Variants in CNTNAP2 observed in about 807,000 individuals in gnomAD.
CNTNAP2 encodes contactin-associated protein-like 2.
A neutral mutation model predicts 155.2 loss-of-function variants in CNTNAP2; 98 were observed. The observed-to-expected ratio is 0.63, with a 90% CI of 0.54 to 0.75. The LOEUF is 0.75. CNTNAP2 is among the 30% of genes least tolerant of loss of function. The pLI, the probability that CNTNAP2 is intolerant of heterozygous loss-of-function variation, is 0.00. For synonymous variants in CNTNAP2, 651 were observed against 631.2 expected (o/e 1.03, Z -0.47); for missense variants, 1,727 against 1,688.1 (o/e 1.02, Z -0.40).
intron 1 of CNTNAP2, among the ~76,000 whole-genome samples, chr7:146,194,084 G>A (rs1798744202): frequency 1.3e-5 from 2 of 152,130 alleles, no homozygotes; most frequent in African/African-American, 2.4e-5. Context: ...GCCATTCAAC[G>A]AGTCTCTAGG....
chr7:148,283,354 C>G (rs1376479948), intron 21 of CNTNAP2, among the ~76,000 whole-genome samples: 1 of 149,416 alleles, frequency 6.7e-6, no homozygotes, highest in African/African-American at 2.5e-5. Context: ...TTATAACATT[C>G]CAAAGTATTC....
chr7:146,941,297 CA>C (rs1797050971), intron 3 of CNTNAP2, among the ~76,000 whole-genome samples: 1 of 151,380 alleles, frequency 6.6e-6, no homozygotes, highest in Non-Finnish European at 1.5e-5. Flanking sequence ...ATGAAGCTTG[CA>C]AAAGTCATCT....
chr7:148,307,402 A>G (rs1477983444), intron 21 of CNTNAP2, among the ~76,000 whole-genome samples: 1 of 152,218 alleles, frequency 6.6e-6, no homozygotes, highest in Admixed American at 6.5e-5. Flanking sequence ...GCGGCTTTGC[A>G]GTGCCAACCG....
Position 147,043,993 on chromosome 7 carries a change from T to C in CNTNAP2, c.489T>C (p.Pro163=), listed in dbSNP as rs761820697. Residue 163 remains proline, a synonymous_variant, in exon 4 of 24, where the codon CCT becomes CCC. Coordinates refer to ENST00000361727, the MANE Select transcript of CNTNAP2 (RefSeq NM_014141.6). The part of the protein sequence containing the change: ...PIIARYVRIV[P]LDWNGEGRIG... ...TTGCCCGCTATGTGCGCATAGTGCC[T>C]CTGGATTGGAATGGAGAAGGTCGCA... is the stretch of plus-strand genomic sequence containing the variant. The C allele has an allele frequency of 2.5e-6, 4 of 1,614,076 alleles. No individual in the cohort carries two copies. The highest frequency in any genetic ancestry group is 3.3e-5 in the Admixed American group (2 of 60,010).
At chr7:147,859,644 A>G (rs767396638) in intron 13 of CNTNAP2, among the ~76,000 whole-genome samples, 33 of 152,194 alleles carry the variant, frequency 2.2e-4, no homozygotes, top group Non-Finnish European at 4.4e-4. Context: ...CATCTTAATT[A>G]TGGGAGTCCC....
chr7:147,031,583 G>T (rs764435725), intron 3 of CNTNAP2, among the ~76,000 whole-genome samples: 1 of 152,204 alleles, frequency 6.6e-6, no homozygotes. Flanking sequence ...CTGAGTGAAA[G>T]AAGCCAGTGA....
intron 1 of CNTNAP2, among the ~76,000 whole-genome samples, chr7:146,676,923 C>T (rs1800408061): frequency 6.6e-6 from 1 of 152,144 alleles, no homozygotes; most frequent in Non-Finnish European, 1.5e-5. Flanking sequence ...GGGTGGGTCA[C>T]AGCCAAACCA....
chr7:146,343,154 A>T lies in CNTNAP2; in HGVS notation c.97+226181A>T, dbSNP rs567829074. The stretch of plus-strand genomic sequence containing the variant: ...CAATGTTAACTTTATTCTCTAATAG[A>T]TTATTTCTTCTGCTTATTGCTGAAA... On this transcript the variant is annotated intron_variant, in intron 1 of 23. Coordinates refer to ENST00000361727, the MANE Select transcript of CNTNAP2 (RefSeq NM_014141.6). 3.4e-4 allele frequency among the ~76,000 whole-genome samples: 52 copies of T among 151,948 alleles called. No homozygotes were observed. In the South Asian group the frequency reaches 0.011, roughly 31 times the overall value.
intron 5 of CNTNAP2, among the ~76,000 whole-genome samples, chr7:147,109,901 ATTTATT>A (rs1800841202): frequency 2.1e-5 from 1 of 46,536 alleles, no homozygotes; most frequent in Admixed American, 2.2e-4. Context: ...ATTTGTATTT[ATTTATT>A]TATTTATTTA....
At position 146,291,972 on chromosome 7, in the gene CNTNAP2, G is replaced by A. The variant is rs145585776; in HGVS notation, c.97+174999G>A. 2.5e-3 allele frequency among the ~76,000 whole-genome samples: 387 copies of A among 152,286 alleles called. 2 individuals carry two copies. The highest frequency in any genetic ancestry group is 8.5e-3 in the African/African-American group (353 of 41,572). On this transcript the variant is annotated intron_variant, in intron 1 of 23. Coordinates refer to ENST00000361727, the MANE Select transcript of CNTNAP2 (RefSeq NM_014141.6). ...GGATTGGGAAAGAATATATTTGCAA[G>A]CCACATGTCTGATAAGGGGTTGATA...
intron 12 of CNTNAP2, among the ~76,000 whole-genome samples, chr7:147,614,495 T>C (rs558272658): frequency 3.9e-5 from 6 of 152,100 alleles, no homozygotes; most frequent in African/African-American, 1.4e-4. Context: ...GAAATATAAT[T>C]GATTTTTGTA....
At chr7:147,726,025 G>C (rs879843035) in intron 13 of CNTNAP2, among the ~76,000 whole-genome samples, 2 of 151,946 alleles carry the variant, frequency 1.3e-5, no homozygotes, top group African/African-American at 2.4e-5. Flanking sequence ...AGCAAATACT[G>C]CATGATTTCT....
chr7:147,348,577 A>C (rs1416029501), intron 9 of CNTNAP2, among the ~76,000 whole-genome samples: 1 of 151,990 alleles, frequency 6.6e-6, no homozygotes, highest in East Asian at 1.9e-4. Flanking sequence ...ACTCCAGAAA[A>C]AAGTATGGAG....
At chr7:147,763,361 G>A (rs535914787) in intron 13 of CNTNAP2, among the ~76,000 whole-genome samples, 3 of 151,944 alleles carry the variant, frequency 2.0e-5, no homozygotes, top group South Asian at 4.2e-4. Context: ...CTGTTTGGTG[G>A]TGAAAGCTGT....
intron 14 of CNTNAP2, among the ~76,000 whole-genome samples, chr7:147,914,451 A>T (rs1585025646): frequency 6.6e-6 from 1 of 151,804 alleles, no homozygotes; most frequent in Admixed American, 6.6e-5. Context: ...GAGACAGGAG[A>T]ATCACTTGAA....
chr7:147,829,715 A>G (rs1798518222), intron 13 of CNTNAP2, among the ~76,000 whole-genome samples: 2 of 152,194 alleles, frequency 1.3e-5, no homozygotes, highest in Admixed American at 1.3e-4. Flanking sequence ...TGATGTGTAT[A>G]CAAGAACAAT....
chr7:146,741,826 A>G (rs891393487), intron 1 of CNTNAP2, among the ~76,000 whole-genome samples: 1 of 152,222 alleles, frequency 6.6e-6, no homozygotes, highest in Non-Finnish European at 1.5e-5. Context: ...AATACATTCT[A>G]TAATGAGATT....
chr7:146,847,187 C>T (rs1803858557), intron 3 of CNTNAP2, among the ~76,000 whole-genome samples: 1 of 152,096 alleles, frequency 6.6e-6, no homozygotes, highest in African/African-American at 2.4e-5. Flanking sequence ...TCAGTTCCTT[C>T]TTTTAAGATG....
chr7:147,697,434 T>A (rs927239411), intron 13 of CNTNAP2, among the ~76,000 whole-genome samples: 8 of 152,174 alleles, frequency 5.3e-5, no homozygotes, highest in Admixed American at 2.6e-4. Flanking sequence ...TTGCCTTTAT[T>A]AATGCAGCGA....
Sources: allele counts gnomAD v4.1 joint callset (sites outside exome capture counted in the v4.1 genomes callset), GRCh38; gene constraint gnomAD v4.1.1; transcripts MANE v1.5; gene names NCBI Gene and HGNC (gene_info 2026-07-23, HGNC 2026-07-21).